Variants in SDK2 observed in about 807,000 individuals in gnomAD.
The protein encoded by SDK2 is sidekick cell adhesion molecule 2.
A neutral mutation model predicts 253.9 loss-of-function variants in SDK2; 105 were observed. The observed-to-expected ratio is 0.41, with a 90% CI of 0.35 to 0.49. The LOEUF (loss-of-function observed/expected upper bound fraction) is 0.49. Among genes scored for constraint, SDK2 ranks in the 20% least tolerant of loss-of-function variants. SDK2 has a pLI of 0.06. For missense variants in SDK2, 2,608 were observed against 3,003.0 expected (o/e 0.87, Z 3.07); for synonymous variants, 1,249 against 1,234.9 (o/e 1.01, Z -0.24).
At chr17:73,542,331 A>G (rs1269770282) in intron 1 of SDK2, among the ~76,000 whole-genome samples, 4 of 152,134 alleles carry the variant, frequency 2.6e-5, no homozygotes, top group Non-Finnish European at 5.9e-5. Flanking sequence ...TGCTCCTGTG[A>G]TGGAGGGGGT....
chr17:73,445,407 T>A (rs1164566473), intron 5 of SDK2, among the ~76,000 whole-genome samples: 1 of 152,208 alleles, frequency 6.6e-6, no homozygotes, highest in Non-Finnish European at 1.5e-5. Flanking sequence ...ATCCCCGGTA[T>A]CCACCCAAGC....
intron 1 of SDK2, among the ~76,000 whole-genome samples, chr17:73,604,328 C>G (rs988376351): frequency 3.9e-5 from 6 of 152,220 alleles, no homozygotes; most frequent in African/African-American, 1.2e-4. Context: ...TCCACCACCC[C>G]CTTGTCCTTC....
At chr17:73,556,545 C>T (rs977323394) in intron 1 of SDK2, among the ~76,000 whole-genome samples, 1 of 152,204 alleles carries the variant, frequency 6.6e-6, no homozygotes, top group African/African-American at 2.4e-5. Flanking sequence ...GAGGCATTCA[C>T]GTTTGACCTG....
intron 1 of SDK2, among the ~76,000 whole-genome samples, chr17:73,542,148 G>C (rs2044878883): frequency 6.6e-6 from 1 of 152,248 alleles, no homozygotes; most frequent in South Asian, 2.1e-4. Flanking sequence ...AGTGCAGGCA[G>C]TGCGCTGGCC....
chr17:73,339,081 C>A, intron 44 of SDK2, 141 bp from the exon 45 acceptor site: 1 of 750,078 alleles, frequency 1.3e-6, no homozygotes, highest in South Asian at 1.6e-5. Flanking sequence ...TCCCAGCCCC[C>A]TCACTGCCAA....
chr17:73,588,410 A>G (rs1285334153), intron 1 of SDK2, among the ~76,000 whole-genome samples: 1 of 147,802 alleles, frequency 6.8e-6, no homozygotes, highest in Admixed American at 6.7e-5. Flanking sequence ...AAAAAAAAAA[A>G]AAGAAAGAAA....
In SDK2 at chr17:73,435,556, C is replaced by A. The variant is rs761738280; in HGVS notation, c.1089G>T (p.Gly363=). 1 of 1,590,332 alleles carries A rather than the reference C, an allele frequency of 6.3e-7. No homozygotes were observed. Among genetic ancestry groups the A allele is most frequent in the Admixed American group, 1.8e-5 (1 of 57,124 alleles). The change falls in exon 9 of 45, where the codon GGG becomes GGT. Residue 363 remains glycine, a synonymous_variant. Coordinates refer to ENST00000392650, the MANE Select transcript of SDK2 (RefSeq NM_001144952.2). This position sits in a 1 kb window ranked among gnomAD's most constrained non-coding sequence, Gnocchi z 5.7. ...GCACCAGGCCGCTGATCTGCAGGCC[C>A]CCGTCGTTGCGCTGCCGGAAGCGGG... ...KLTRFRQRND[G]GLQISGLVPD...
chr17:73,440,161 G>A (rs1293889242), intron 6 of SDK2, among the ~76,000 whole-genome samples: 2 of 150,062 alleles, frequency 1.3e-5, no homozygotes, highest in Non-Finnish European at 3.0e-5. Flanking sequence ...AGGCTGGAGT[G>A]CAATGGTGCA....
chr17:73,355,124 C>T (rs1270432719), intron 40 of SDK2, among the ~76,000 whole-genome samples: 4 of 133,120 alleles, frequency 3.0e-5, no homozygotes, highest in Non-Finnish European at 4.7e-5. Flanking sequence ...CACTGTTGGT[C>T]TTACTTGTTT....
chr17:73,347,389 C>G (rs1240708990), intron 44 of SDK2, among the ~76,000 whole-genome samples: 2 of 152,172 alleles, frequency 1.3e-5, no homozygotes, highest in Non-Finnish European at 1.5e-5. Context: ...TGGGTTTTGT[C>G]CCCCACAATA....
intron 44 of SDK2, among the ~76,000 whole-genome samples, chr17:73,346,550 T>A (rs117821252): frequency 1.3e-5 from 2 of 152,130 alleles, no homozygotes; most frequent in Non-Finnish European, 2.9e-5. Flanking sequence ...GGTGCCCCCT[T>A]CTCCTGCACC....
intron 18 of SDK2, among the ~76,000 whole-genome samples, chr17:73,411,108 C>T (rs1307388576): frequency 1.3e-5 from 2 of 152,096 alleles, no homozygotes; most frequent in East Asian, 1.9e-4. Context: ...TTTCCGGCAG[C>T]GAGTGCTCCA....
rs199509466 is a variant in SDK2, at chr17:73,398,449, T to C, written c.3094-20A>G. 8.1e-6 allele frequency: 13 copies of C among 1,603,448 alleles called. No individual in the cohort carries two copies. In the East Asian group the frequency reaches 2.9e-4, roughly 36 times the overall value. On this transcript the variant is annotated intron_variant, in intron 22 of 44. Coordinates refer to ENST00000392650, the MANE Select transcript of SDK2 (RefSeq NM_001144952.2). ...GCCTACCTGGAAAAGGGCAGGATCTTAGGCCTGTCCAGCCTACAGGGCCCA... is the reference window on the plus strand; with the variant it reads ...GCCTACCTGGAAAAGGGCAGGATCTCAGGCCTGTCCAGCCTACAGGGCCCA...
rs1311766843 is a variant in SDK2, at chr17:73,355,179, T to A, written c.5594-2542A>T. 3.2e-3 allele frequency among the ~76,000 whole-genome samples: 155 copies of A among 48,504 alleles called. 4 individuals carry two copies. Among genetic ancestry groups the A allele is most frequent in the African/African-American group, 8.9e-3 (144 of 16,200 alleles). The allele number at this position is 48,504 out of a possible 152,430, so 31.8% of individuals were successfully genotyped here. ...ACCTCCATATATATATATATATTTT[T>A]TTTTTTTTTTTTTTTTAGACGGAGT... On this transcript the variant is annotated intron_variant, in intron 40 of 44. Coordinates refer to ENST00000392650, the MANE Select transcript of SDK2 (RefSeq NM_001144952.2).
chr17:73,492,846 C>G (rs1468420572), intron 2 of SDK2, among the ~76,000 whole-genome samples: 3 of 151,938 alleles, frequency 2.0e-5, no homozygotes, highest in African/African-American at 7.3e-5. Context: ...TCAGGCGCCA[C>G]GGCAGCCCCC....
intron 1 of SDK2, among the ~76,000 whole-genome samples, chr17:73,593,759 T>C (rs1161449553): frequency 1.3e-5 from 2 of 152,186 alleles, no homozygotes; most frequent in Non-Finnish European, 2.9e-5. Context: ...AAGTGGCTAT[T>C]AAATAACACA....
At position 73,350,679 on chromosome 17, in the gene SDK2, C is replaced by G; in HGVS notation, c.5870G>C (p.Ser1957Thr). 6.2e-7 allele frequency: 1 copy of G among 1,613,236 alleles called. No homozygotes were observed. Among genetic ancestry groups the G allele is most frequent in the Non-Finnish European group, 8.5e-7 (1 of 1,179,592 alleles). ...GTCTGTCTTCTTGGCGTACTTCTTG[C>G]TCTGGCCCCGGATGATGAGCACGAA... ...LVFVLIIRGQSKKYAKKTDSG... is the reference protein window; with the variant it reads ...LVFVLIIRGQTKKYAKKTDSG... The change falls in exon 42 of 45, where the codon AGC (serine) becomes ACC (threonine). Residue 1957 changes from serine (S) to threonine (T), a missense_variant. Coordinates refer to ENST00000392650, the MANE Select transcript of SDK2 (RefSeq NM_001144952.2).
At chr17:73,345,507 A>G (rs962149076) in intron 44 of SDK2, among the ~76,000 whole-genome samples, 2 of 152,220 alleles carry the variant, frequency 1.3e-5, no homozygotes, top group Admixed American at 1.3e-4. Context: ...TACTGTAGCC[A>G]TCGTTCCTAT....
chr17:73,415,754 G>T, intron 17 of SDK2, 57 bp downstream of exon 17: 1 of 1,457,028 alleles, frequency 6.9e-7, no homozygotes, highest in Non-Finnish European at 9.3e-7. Context: ...GTCCCAAAGT[G>T]CTAGGATTAC....
Sources: allele counts gnomAD v4.1 joint callset (sites outside exome capture counted in the v4.1 genomes callset), GRCh38; gene constraint gnomAD v4.1.1; non-coding constraint Gnocchi (gnomAD v3.1); transcripts MANE v1.5; gene names NCBI Gene and HGNC (gene_info 2026-07-23, HGNC 2026-07-21).